DLG5: variants seen among roughly 807,000 people sequenced by gnomAD.
DLG5 encodes the protein discs large MAGUK scaffold protein 5.
A neutral mutation model predicts 189.8 loss-of-function variants in DLG5; 48 were observed. That is an observed-to-expected ratio of 0.25 (90% CI 0.20 to 0.32). The LOEUF is 0.32. Among genes scored for constraint, DLG5 ranks in the 10% least tolerant of loss-of-function variants. DLG5 has a pLI of 1.00. For synonymous variants in DLG5, 1,016 were observed against 1,054.1 expected (o/e 0.96, Z 0.70); for missense variants, 2,160 against 2,544.7 (o/e 0.85, Z 3.25).
intron 2 of DLG5, among the ~76,000 whole-genome samples, chr10:77,862,745 C>A (rs1160193859): frequency 1.3e-5 from 2 of 152,190 alleles, no homozygotes; most frequent in African/African-American, 2.4e-5. Flanking sequence ...GGATGAATGA[C>A]TAATACAACT....
intron 1 of DLG5, among the ~76,000 whole-genome samples, chr10:77,888,906 A>T (rs1327918390): frequency 6.6e-6 from 1 of 151,910 alleles, no homozygotes; most frequent in African/African-American, 2.4e-5. Context: ...AGAACTGCCC[A>T]AACTGAAACA....
intron 23 of DLG5, among the ~76,000 whole-genome samples, chr10:77,810,654 T>G (rs1316913251): frequency 6.6e-6 from 1 of 152,214 alleles, no homozygotes; most frequent in Non-Finnish European, 1.5e-5. Context: ...CACACTCCAG[T>G]GATCTTCCTG....
At chr10:77,837,600 G>A (rs1356678863) in intron 7 of DLG5, among the ~76,000 whole-genome samples, 1 of 152,192 alleles carries the variant, frequency 6.6e-6, no homozygotes, top group Non-Finnish European at 1.5e-5. Context: ...GGGAAATGAG[G>A]TACCTTAAAC....
chr10:77,845,808 ACAGGTATCT>A (rs1385447289), intron 5 of DLG5, among the ~76,000 whole-genome samples: 1 of 152,166 alleles, frequency 6.6e-6, no homozygotes, highest in Non-Finnish European at 1.5e-5. Context: ...AAAGCAGTAC[ACAGGTATCT>A]CAGGCAGTCA....
chr10:77,800,089 C>T (rs1841122576), intron 27 of DLG5, among the ~76,000 whole-genome samples: 1 of 152,092 alleles, frequency 6.6e-6, no homozygotes. Flanking sequence ...GCACAATCAG[C>T]AGGGTGGGGG....
intron 13 of DLG5, 142 bp from the exon 14 acceptor site, chr10:77,824,618 G>T: frequency 1.6e-6 from 1 of 643,988 alleles, no homozygotes; most frequent in Non-Finnish European, 2.7e-6. Flanking sequence ...AAGGATAGAG[G>T]TCTTTCTGGT....
At chr10:77,870,545 G>C (rs1220424943) in intron 1 of DLG5, among the ~76,000 whole-genome samples, 1 of 152,086 alleles carries the variant, frequency 6.6e-6, no homozygotes, top group African/African-American at 2.4e-5. Flanking sequence ...TTAGCTGGGC[G>C]TGGTGGCACG....
At position 77,908,047 on chromosome 10, in the gene DLG5, C is replaced by T. The variant is rs116496748; in HGVS notation, c.304+18170G>A. ...ACCTTTCACACAAGCCACAAGAGGG[C>T]GAGGGAGTCACGGATCCCACTGCAG... On this transcript the variant is annotated intron_variant, in intron 1 of 31. Coordinates refer to ENST00000372391, the MANE Select transcript of DLG5 (RefSeq NM_004747.4). 4.2e-3 allele frequency among the ~76,000 whole-genome samples: 632 copies of T among 152,236 alleles called. 3 individuals carry two copies. The highest frequency in any genetic ancestry group is 0.014 in the African/African-American group (591 of 41,526).
chr10:77,865,799 C>A (rs1036524671), intron 2 of DLG5, among the ~76,000 whole-genome samples: 19 of 152,122 alleles, frequency 1.2e-4, no homozygotes, highest in Admixed American at 7.9e-4. Flanking sequence ...GGCCTTGGCA[C>A]AAAGACCTGC....
intron 14 of DLG5, among the ~76,000 whole-genome samples, chr10:77,823,311 T>C (rs1842457801): frequency 6.6e-6 from 1 of 152,134 alleles, no homozygotes; most frequent in South Asian, 2.1e-4. Flanking sequence ...TTAGAAAAAA[T>C]AGGCCCAGCC....
chr10:77,852,197 CCTCT>C (rs2154576634), intron 5 of DLG5, among the ~76,000 whole-genome samples: 1 of 151,926 alleles, frequency 6.6e-6, no homozygotes, highest in African/African-American at 2.4e-5. Context: ...ATGGTGAAAC[CCTCT>C]CTCTACTAAA....
chr10:77,924,803 C>T (rs1846637719), intron 1 of DLG5, among the ~76,000 whole-genome samples: 1 of 151,956 alleles, frequency 6.6e-6, no homozygotes, highest in African/African-American at 2.4e-5. Context: ...GGAGGGCCAC[C>T]AATGAAATGA....
At chr10:77,910,910 T>G (rs1211834185) in intron 1 of DLG5, among the ~76,000 whole-genome samples, 11 of 149,652 alleles carry the variant, frequency 7.4e-5, no homozygotes, top group Non-Finnish European at 1.6e-4. Flanking sequence ...AGTCAGAGGT[T>G]GCAGTGAGCT....
intron 20 of DLG5, among the ~76,000 whole-genome samples, chr10:77,815,096 C>A (rs1841985692): frequency 6.6e-6 from 1 of 152,024 alleles, no homozygotes; most frequent in Non-Finnish European, 1.5e-5. Context: ...TAAGGGAATG[C>A]TTGGCAGTGG....
intron 20 of DLG5, 87 bp downstream of exon 20, chr10:77,816,464 G>A: frequency 1.9e-6 from 3 of 1,586,400 alleles, no homozygotes; most frequent in Non-Finnish European, 1.7e-6. Context: ...CTTCTACTAA[G>A]CCCCTTCCCT....
In DLG5 at chr10:77,926,263, G is replaced by A. The variant is rs1199653055; in HGVS notation, c.258C>T (p.Leu86=). Residue 86 remains leucine, a synonymous_variant, in exon 1 of 32, where the codon CTC becomes CTT. Transcript: ENST00000372391. The surrounding 1 kb of genome is among the most constrained non-coding windows in gnomAD (Gnocchi z 5.2). ...GCGGCCCGACGACGCCGTTCAGGTA[G>A]AGAATGGGCAGCAGGTGAGGCTGCG... ...EKTQPHLLPI[L]YLNGVVGPPQ... is the part of the protein sequence containing the mutation. The A allele has an allele frequency of 3.2e-6, 5 of 1,571,878 alleles. No homozygotes were observed. In the South Asian group the frequency reaches 5.9e-5, roughly 19 times the overall value.
At chr10:77,804,421 T>A (rs1380019534) in intron 27 of DLG5, among the ~76,000 whole-genome samples, 2 of 152,198 alleles carry the variant, frequency 1.3e-5, no homozygotes. Context: ...ATAGTGACAG[T>A]GGGCCATGAA....
At chr10:77,798,345 C>A (rs891111309) in intron 27 of DLG5, among the ~76,000 whole-genome samples, 2 of 152,116 alleles carry the variant, frequency 1.3e-5, no homozygotes, top group Non-Finnish European at 2.9e-5. Flanking sequence ...CATGTGGTCC[C>A]GAGTGAAGGC....
intron 2 of DLG5, among the ~76,000 whole-genome samples, chr10:77,863,112 G>T (rs1406279692): frequency 6.6e-6 from 1 of 152,002 alleles, no homozygotes; most frequent in Non-Finnish European, 1.5e-5. Flanking sequence ...TCTTTTTTGA[G>T]ACAGGGTCTT....
Sources: allele counts gnomAD v4.1 joint callset (sites outside exome capture counted in the v4.1 genomes callset), GRCh38; gene constraint gnomAD v4.1.1; non-coding constraint Gnocchi (gnomAD v3.1); transcripts MANE v1.5; gene names NCBI Gene and HGNC (gene_info 2026-07-23, HGNC 2026-07-21).